Variants in OPHN1 observed in about 807,000 individuals in gnomAD.
The protein encoded by OPHN1 is oligophrenin-1.
OPHN1 carries 11 observed loss-of-function variants against 60.7 expected under a neutral mutation model. That is an observed-to-expected ratio of 0.18 (90% confidence interval 0.11 to 0.30). The LOEUF is 0.30. OPHN1 is among the 10% of genes least tolerant of loss of function. The pLI is 1.00. For synonymous variants in OPHN1, 226 were observed against 222.6 expected, an observed-to-expected ratio of 1.02 and a Z score of -0.14; for missense variants, 449 against 611.0, an observed-to-expected ratio of 0.73 and a Z score of 2.80.
chrX:68,374,031 T>A (rs771437679), intron 2 of OPHN1, among the ~76,000 whole-genome samples: 110 of 111,500 alleles, frequency 9.9e-4, no homozygotes, highest in Non-Finnish European at 1.8e-3. Context: ...AAAATCTCCA[T>A]GATCTAGGGT....
At chrX:68,233,700 T>TTATC (rs1319063518) in intron 6 of OPHN1, among the ~76,000 whole-genome samples, 9 of 111,111 alleles carry the variant, frequency 8.1e-5, no homozygotes, top group African/African-American at 2.9e-4. Flanking sequence ...AAAGGTCCAT[T>TTATC]TATCCATTTT....
intron 5 of OPHN1, among the ~76,000 whole-genome samples, chrX:68,239,879 G>A (rs767162368): frequency 7.5e-5 from 8 of 107,185 alleles, no homozygotes; most frequent in South Asian, 8.3e-4. Flanking sequence ...GCGCAATCTC[G>A]GCTCACTGCA....
At chrX:68,350,033 A>G (rs1344434638) in intron 2 of OPHN1, among the ~76,000 whole-genome samples, 1 of 111,623 alleles carries the variant, frequency 9.0e-6, no homozygotes, top group African/African-American at 3.3e-5. Flanking sequence ...CGTTCTGCAC[A>G]TGTAATCCAG....
chrX:68,055,299 G>A (rs969024431), intron 21 of OPHN1, among the ~76,000 whole-genome samples: 1 of 111,761 alleles, frequency 8.9e-6, no homozygotes, highest in Non-Finnish European at 1.9e-5. Flanking sequence ...CCTCATCTGC[G>A]AAATGAGTAT....
At chrX:68,124,666 T>A (rs2077162822) in intron 15 of OPHN1, among the ~76,000 whole-genome samples, 1 of 109,745 alleles carries the variant, frequency 9.1e-6, no homozygotes, top group Non-Finnish European at 1.9e-5. Flanking sequence ...AAACAAGTCT[T>A]TTTTTTTTGA....
At chrX:68,224,819 G>A (rs1462332050) in intron 6 of OPHN1, among the ~76,000 whole-genome samples, 1 of 112,522 alleles carries the variant, frequency 8.9e-6, no homozygotes, top group East Asian at 2.8e-4. Context: ...CGACACAGAA[G>A]ATGGGTGATT....
At chrX:68,217,006 A>G (rs1266424469) in intron 6 of OPHN1, among the ~76,000 whole-genome samples, 1 of 111,813 alleles carries the variant, frequency 8.9e-6, no homozygotes, top group African/African-American at 3.2e-5. Flanking sequence ...CTGCATTTCC[A>G]TCTGACATAC....
intron 2 of OPHN1, among the ~76,000 whole-genome samples, chrX:68,318,855 G>A (rs1346863489): frequency 9.0e-6 from 1 of 111,379 alleles, no homozygotes; most frequent in Non-Finnish European, 1.9e-5. Context: ...TACTGCTCAG[G>A]TATTTTGGAG....
At position 68,213,723 on chromosome X, in the gene OPHN1, G is replaced by A. The variant is rs574753412; in HGVS notation, c.597+139C>T. 1.6e-3 allele frequency: 743 copies of A among 468,183 alleles called. 5 individuals carry two copies. In the South Asian group the frequency reaches 0.023, roughly 15 times the overall value. 38.6% of individuals were successfully genotyped at this position (468,183 alleles called of 1,213,427 possible). On this transcript the variant is annotated intron_variant, in intron 7 of 24. Transcript: ENST00000355520. Reference sequence around the variant, plus strand: ...AAGTATACTAAAGAACAAGAAAAACGTAAGTTAGACTACGTTCTAGACATT... The same window carrying A: ...AAGTATACTAAAGAACAAGAAAAACATAAGTTAGACTACGTTCTAGACATT...
intron 21 of OPHN1, among the ~76,000 whole-genome samples, chrX:68,060,932 T>A (rs1056588563): frequency 2.7e-5 from 3 of 111,532 alleles, no homozygotes; most frequent in African/African-American, 9.8e-5. Flanking sequence ...AACCGATAAC[T>A]CTTCAGATGC....
At chrX:68,317,538 AAAAAG>A (rs1459154928) in intron 2 of OPHN1, among the ~76,000 whole-genome samples, 2 of 52,313 alleles carry the variant, frequency 3.8e-5, no homozygotes, top group Non-Finnish European at 5.7e-5. Flanking sequence ...AAAGAAAGAA[AAAAAG>A]AAAGAAAGAA....
At chrX:68,248,300 C>CAA (rs759781324) in intron 5 of OPHN1, among the ~76,000 whole-genome samples, 6,099 of 99,230 alleles carry the variant, frequency 0.061, 480 homozygotes, top group African/African-American at 0.21. Context: ...AGACATTTCT[C>CAA]AAAAAAAAAA....
At chrX:68,268,480 T>C (rs897486457) in intron 5 of OPHN1, among the ~76,000 whole-genome samples, 1 of 111,794 alleles carries the variant, frequency 8.9e-6, no homozygotes, top group Non-Finnish European at 1.9e-5. Context: ...ACAGAACCAA[T>C]GACAAAAACC....
At chrX:68,305,764 C>A in intron 2 of OPHN1, among the ~76,000 whole-genome samples, 1 of 112,611 alleles carries the variant, frequency 8.9e-6, no homozygotes, top group South Asian at 3.7e-4. Context: ...AAAGAATACA[C>A]ACTTTATAGA....
At chrX:68,178,882 T>C (rs1453568276) in intron 15 of OPHN1, among the ~76,000 whole-genome samples, 2 of 112,375 alleles carry the variant, frequency 1.8e-5, no homozygotes, top group African/African-American at 3.2e-5. Flanking sequence ...CAGAAGCAGA[T>C]TGTTTAGTTC....
intron 19 of OPHN1, among the ~76,000 whole-genome samples, chrX:68,095,369 G>A (rs1374036920): frequency 8.9e-6 from 1 of 112,014 alleles, no homozygotes; most frequent in African/African-American, 3.2e-5. Flanking sequence ...GTCTATGGCT[G>A]TTTTCTCACT....
At chrX:68,193,798 T>A in intron 14 of OPHN1, 92 bp downstream of exon 14, 1 of 771,332 alleles carries the variant, frequency 1.3e-6, no homozygotes, top group Admixed American at 2.3e-5. Context: ...TAAACAGTCT[T>A]CATTCCTAAA....
intron 16 of OPHN1, among the ~76,000 whole-genome samples, chrX:68,114,688 C>G (rs138062729): frequency 2.7e-3 from 295 of 110,547 alleles, no homozygotes; most frequent in African/African-American, 8.7e-3. Context: ...CTGCTTCAGC[C>G]TGAGAGAGAG....
At chrX:68,405,339 A>C (rs2078736831) in intron 2 of OPHN1, among the ~76,000 whole-genome samples, 1 of 111,157 alleles carries the variant, frequency 9.0e-6, no homozygotes, top group Non-Finnish European at 1.9e-5. Context: ...ATACGAGCAC[A>C]TGACACCACC....
Sources: allele counts gnomAD v4.1 joint callset (sites outside exome capture counted in the v4.1 genomes callset), GRCh38; gene constraint gnomAD v4.1.1; transcripts MANE v1.5; gene names NCBI Gene and HGNC (gene_info 2026-07-23, HGNC 2026-07-21).